The following SKIC3 variants were observed in gnomAD, a reference collection of about 807,000 sequenced individuals.
SKIC3 encodes the protein SKI3 subunit of superkiller complex, also known as superkiller complex protein 3.
the SKIC3 span, among the ~76,000 whole-genome samples, chr5:95,470,438 T>TA: frequency 8.5e-5 from 13 of 152,146 alleles, no homozygotes; most frequent in Non-Finnish European, 1.6e-4. Flanking sequence ...AGGAGATATT[T>TA]AAAAAACACT....
the SKIC3 span, among the ~76,000 whole-genome samples, chr5:95,465,767 G>T: frequency 6.6e-6 from 1 of 152,132 alleles, no homozygotes; most frequent in Non-Finnish European, 1.5e-5. Context: ...CTAAGCCTAG[G>T]ATGCTTAATC....
chr5:95,535,032 A>C, the SKIC3 span, among the ~76,000 whole-genome samples: 1 of 152,062 alleles, frequency 6.6e-6, no homozygotes, highest in East Asian at 1.9e-4. Flanking sequence ...AATCACTTTC[A>C]TTTTTTCATT....
the SKIC3 span, chr5:95,484,918 T>TA: frequency 6.5e-7 from 1 of 1,530,864 alleles, no homozygotes; most frequent in African/African-American, 1.4e-5. Flanking sequence ...AACTGGTTGC[T>TA]AAAAAATTAC....
At chr5:95,494,402 A>C in the SKIC3 span, among the ~76,000 whole-genome samples, 2 of 152,202 alleles carry the variant, frequency 1.3e-5, no homozygotes, top group South Asian at 4.1e-4. Context: ...ATGTAAATGT[A>C]CTGAATTATC....
At chr5:95,481,948 C>T in the SKIC3 span, among the ~76,000 whole-genome samples, 1 of 152,044 alleles carries the variant, frequency 6.6e-6, no homozygotes, top group Non-Finnish European at 1.5e-5. Flanking sequence ...TATGTGCTTC[C>T]TTGTATTTTA....
At chr5:95,506,267 T>C in the SKIC3 span, among the ~76,000 whole-genome samples, 1 of 152,196 alleles carries the variant, frequency 6.6e-6, no homozygotes, top group Non-Finnish European at 1.5e-5. Flanking sequence ...GTCTGCCAGG[T>C]AGCTCCTTAA....
chr5:95,516,893 T>TA, the SKIC3 span: 1 of 1,564,162 alleles, frequency 6.4e-7, no homozygotes, highest in Non-Finnish European at 8.7e-7. Flanking sequence ...AAAAGGTTTA[T>TA]AAAAAATTTA....
chr5:95,486,304 A>G, the SKIC3 span, among the ~76,000 whole-genome samples: 1 of 152,150 alleles, frequency 6.6e-6, no homozygotes, highest in Non-Finnish European at 1.5e-5. Context: ...GTCAACCACC[A>G]TGAGCTGCTG....
chr5:95,505,607 T>C, the SKIC3 span, among the ~76,000 whole-genome samples: 1 of 151,778 alleles, frequency 6.6e-6, no homozygotes, highest in African/African-American at 2.4e-5. Flanking sequence ...AGGTCAGGAG[T>C]TCGAGACCAG....
chr5:95,511,490 C>A, the SKIC3 span, among the ~76,000 whole-genome samples: 8 of 152,114 alleles, frequency 5.3e-5, no homozygotes, highest in Non-Finnish European at 1.0e-4. Flanking sequence ...TAAGGCAAAC[C>A]CCCCCAAGTG....
At chr5:95,525,464 G>A in the SKIC3 span, 48 of 1,613,884 alleles carry the variant, frequency 3.0e-5, no homozygotes, top group African/African-American at 5.3e-5. Flanking sequence ...ATGAACTTCA[G>A]CTAGGTCAGG....
the SKIC3 span, among the ~76,000 whole-genome samples, chr5:95,495,822 A>G: frequency 7.9e-5 from 12 of 152,194 alleles, no homozygotes; most frequent in Admixed American, 7.9e-4. Flanking sequence ...CAAGATGACC[A>G]GGTGACTTCA....
chr5:95,503,147 A>G, the SKIC3 span: 2 of 886,814 alleles, frequency 2.3e-6, no homozygotes, highest in South Asian at 3.3e-5. Context: ...CAGATAGAAT[A>G]AAAATTTATA....
At chr5:95,533,061 C>T in the SKIC3 span, among the ~76,000 whole-genome samples, 107 of 152,210 alleles carry the variant, frequency 7.0e-4, 2 homozygotes, top group Middle Eastern at 0.01. Flanking sequence ...TAATCCAGCT[C>T]TTTTCTGCTT....
the SKIC3 span, among the ~76,000 whole-genome samples, chr5:95,470,932 C>T: frequency 6.6e-5 from 10 of 151,980 alleles, no homozygotes; most frequent in East Asian, 1.9e-4. Context: ...CAAATTTTGA[C>T]GAAGATTTCA....
chr5:95,532,772 G>C, the SKIC3 span, among the ~76,000 whole-genome samples: 1 of 152,140 alleles, frequency 6.6e-6, no homozygotes, highest in Non-Finnish European at 1.5e-5. Flanking sequence ...AGCCAGATTT[G>C]GGGCTGATGA....
At chr5:95,473,877 A>T in the SKIC3 span, among the ~76,000 whole-genome samples, 1 of 152,170 alleles carries the variant, frequency 6.6e-6, no homozygotes, top group East Asian at 1.9e-4. Context: ...TTTACTCTGT[A>T]CATAGTTTCT....
At chr5:95,532,973 A>G in the SKIC3 span, among the ~76,000 whole-genome samples, 1 of 151,996 alleles carries the variant, frequency 6.6e-6, no homozygotes, top group Non-Finnish European at 1.5e-5. Context: ...TTGAGGGGGG[A>G]AAAAAACCAT....
chr5:95,484,956 T>A, the SKIC3 span: 1 of 1,213,204 alleles, frequency 8.2e-7, no homozygotes. Context: ...ATACACAGTT[T>A]TTCAAAGTTA....
Sources: allele counts gnomAD v4.1 joint callset (sites outside exome capture counted in the v4.1 genomes callset), GRCh38; gene constraint gnomAD v4.1.1; transcripts MANE v1.5; gene names NCBI Gene and HGNC (gene_info 2026-07-23, HGNC 2026-07-21).